The following FMN1 variants were observed in gnomAD, a reference collection of about 807,000 sequenced individuals.
FMN1 encodes formin 1.
In FMN1, 110 loss-of-function variants were observed where a neutral mutation model predicts 132.4. The observed-to-expected ratio is 0.83, with a 90% CI of 0.71 to 0.97. The LOEUF is 0.97. Ranked by LOEUF, FMN1 falls within the 50% of genes least tolerant of loss-of-function variation. The pLI is 0.00. For synonymous variants in FMN1, 722 were observed against 651.7 expected, an observed-to-expected ratio of 1.11 and a Z score of -1.64; for missense variants, 1,792 against 1,705.3, an observed-to-expected ratio of 1.05 and a Z score of -0.90.
chr15:33,161,496 C>T (rs369637323), intron 3 of FMN1, among the ~76,000 whole-genome samples: 8 of 152,188 alleles, frequency 5.3e-5, no homozygotes, highest in East Asian at 1.9e-4. Flanking sequence ...GCCCCCTCCC[C>T]TTGCTCATTT....
chr15:33,002,347 CCACT>C (rs1045159948), intron 7 of FMN1, among the ~76,000 whole-genome samples: 8 of 152,148 alleles, frequency 5.3e-5, no homozygotes, highest in Admixed American at 1.3e-4. Flanking sequence ...CATATTTTTC[CCACT>C]CACTATCTTC....
At chr15:33,090,436 T>G (rs1045825138) in intron 4 of FMN1, among the ~76,000 whole-genome samples, 4 of 152,172 alleles carry the variant, frequency 2.6e-5, no homozygotes, top group Non-Finnish European at 5.9e-5. Context: ...TTTGGTTTAT[T>G]AGTTTTCAAT....
chr15:32,890,387 C>T (rs2059998537), intron 15 of FMN1, among the ~76,000 whole-genome samples: 1 of 152,220 alleles, frequency 6.6e-6, no homozygotes, highest in Admixed American at 6.5e-5. Context: ...ACATTCCCAC[C>T]TGCAGTGTAG....
intron 4 of FMN1, among the ~76,000 whole-genome samples, chr15:33,103,089 TATA>T (rs1318221274): frequency 6.6e-6 from 1 of 152,140 alleles, no homozygotes; most frequent in African/African-American, 2.4e-5. Context: ...TTAGTAGATA[TATA>T]ATAATATCTG....
At chr15:33,018,466 C>T (rs1004256600) in intron 6 of FMN1, among the ~76,000 whole-genome samples, 8 of 152,064 alleles carry the variant, frequency 5.3e-5, no homozygotes, top group African/African-American at 1.4e-4. Context: ...ATCACCCATG[C>T]GTACATAATA....
chr15:33,001,529 C>T (rs934433519), intron 7 of FMN1, among the ~76,000 whole-genome samples: 4 of 151,568 alleles, frequency 2.6e-5, no homozygotes, highest in African/African-American at 9.7e-5. Flanking sequence ...CAGTTTTGTC[C>T]AAGTGCGTCC....
intron 17 of FMN1, among the ~76,000 whole-genome samples, chr15:32,815,414 TC>T (rs2058027989): frequency 6.6e-6 from 1 of 152,188 alleles, no homozygotes. Flanking sequence ...TCTTTGGGTT[TC>T]CCATAACTGC....
chr15:32,963,534 G>A (rs141073577), intron 9 of FMN1, among the ~76,000 whole-genome samples: 250 of 152,082 alleles, frequency 1.6e-3, no homozygotes, highest in Non-Finnish European at 2.7e-3. Flanking sequence ...AAGGTGGTTA[G>A]TCCAATTAAA....
At chr15:32,977,298 ATGAT>A (rs1567495752) in intron 7 of FMN1, among the ~76,000 whole-genome samples, 1 of 152,338 alleles carries the variant, frequency 6.6e-6, no homozygotes, top group East Asian at 1.9e-4. Flanking sequence ...CTGATCCTCA[ATGAT>A]TAATAATCCT....
chr15:32,811,902 C>A (rs555526945), intron 17 of FMN1, among the ~76,000 whole-genome samples: 1 of 152,244 alleles, frequency 6.6e-6, no homozygotes, highest in East Asian at 1.9e-4. Context: ...CCCACCTCAG[C>A]CTCTCAAAAG....
intron 19 of FMN1, among the ~76,000 whole-genome samples, 173 bp from the exon 20 acceptor site, chr15:32,777,092 A>G (rs1188285952): frequency 6.6e-6 from 1 of 152,216 alleles, no homozygotes; most frequent in Non-Finnish European, 1.5e-5. Context: ...TTAAATTCAA[A>G]TCCTAATTAG....
chr15:32,842,297 C>G (rs1183127887), intron 17 of FMN1, among the ~76,000 whole-genome samples: 2 of 152,188 alleles, frequency 1.3e-5, no homozygotes, highest in Non-Finnish European at 2.9e-5. Flanking sequence ...CCCAGCCAAG[C>G]CCCACCCTCC....
chr15:33,088,754 T>A, intron 5 of FMN1, 45 bp downstream of exon 5: 1 of 1,479,712 alleles, frequency 6.8e-7, no homozygotes, highest in Non-Finnish European at 9.0e-7. Context: ...TGAGCCTCTG[T>A]TGACCACAAA....
chr15:33,023,536 A>G (rs988445176), intron 6 of FMN1, among the ~76,000 whole-genome samples: 1 of 152,250 alleles, frequency 6.6e-6, no homozygotes, highest in Admixed American at 6.5e-5. Flanking sequence ...AAATTCTGAT[A>G]TATTAGAAAC....
At chr15:32,929,239 A>C (rs1458116047) in intron 9 of FMN1, among the ~76,000 whole-genome samples, 2 of 152,208 alleles carry the variant, frequency 1.3e-5, no homozygotes, top group Non-Finnish European at 2.9e-5. Context: ...GTCTACTTTT[A>C]AGTAAATTTT....
chr15:32,819,172 C>T (rs909450958), intron 17 of FMN1, among the ~76,000 whole-genome samples: 3 of 152,076 alleles, frequency 2.0e-5, no homozygotes, highest in African/African-American at 4.8e-5. Context: ...TCCAGAGCTC[C>T]GAGGAGGGGG....
Position 32,857,433 on chromosome 15 carries a change from CA to C in FMN1, c.3836-327del, listed in dbSNP as rs558834162. On this transcript the variant is annotated intron_variant, in intron 16 of 20. Transcript: ENST00000616417. Reference sequence around the variant, plus strand: ...GTGTTCTCCCAAAGATAAAGAGAGGCAAAAACTACTTGAGGATTAGTCTCAC... The same window carrying C: ...GTGTTCTCCCAAAGATAAAGAGAGGCAAAACTACTTGAGGATTAGTCTCAC... Among the ~76,000 whole-genome samples the C allele has an allele frequency of 3.3e-5, 5 of 152,222 alleles. No individual in the cohort carries two copies. The East Asian group carries it at 7.8e-4, about 24-fold the overall frequency.
intron 12 of FMN1, 31 bp downstream of exon 12, chr15:32,908,459 G>A (rs746513274): frequency 2.8e-6 from 4 of 1,432,282 alleles, no homozygotes; most frequent in Non-Finnish European, 3.9e-6. Flanking sequence ...TTCTCCTTTT[G>A]GCCTAACAGA....
chr15:32,792,566 T>C (rs936960983), intron 19 of FMN1, among the ~76,000 whole-genome samples: 1 of 152,182 alleles, frequency 6.6e-6, no homozygotes, highest in African/African-American at 2.4e-5. Flanking sequence ...ACAATCTCAA[T>C]ATGCAGTTCT....
Sources: allele counts gnomAD v4.1 joint callset (sites outside exome capture counted in the v4.1 genomes callset), GRCh38; gene constraint gnomAD v4.1.1; transcripts MANE v1.5; gene names NCBI Gene and HGNC (gene_info 2026-07-23, HGNC 2026-07-21).